The following WDR70 variants were observed in gnomAD, a reference collection of about 807,000 sequenced individuals.
The protein encoded by WDR70 is WD repeat-containing protein 70.
In WDR70, 53 loss-of-function variants were observed where a neutral mutation model predicts 88.6. That is an observed-to-expected ratio of 0.60 (90% CI 0.48 to 0.75). The LOEUF is 0.75. Among genes scored for constraint, WDR70 ranks in the 30% least tolerant of loss-of-function variants. The probability of loss-of-function intolerance (pLI) is 0.00; values close to 1 mark genes in which losing one functional copy is unlikely to be tolerated. For synonymous variants in WDR70, 280 were observed against 270.0 expected (o/e 1.04, Z -0.36); for missense variants, 610 against 823.2 (o/e 0.74, Z 3.17).
intron 5 of WDR70, among the ~76,000 whole-genome samples, chr5:37,416,059 C>T (rs1274070129): frequency 6.7e-6 from 1 of 148,876 alleles, no homozygotes; most frequent in African/African-American, 2.5e-5. Context: ...TCCTCACATC[C>T]CAGACGATGG....
At chr5:37,516,456 C>A in intron 8 of WDR70, 58 bp from the exon 9 acceptor site, 4 of 1,004,882 alleles carry the variant, frequency 4.0e-6, no homozygotes, top group South Asian at 3.3e-5. Context: ...AGTTTCTAGT[C>A]AGTTTATTTT....
rs552263365 is a variant in WDR70 at position 37,551,493 on chromosome 5, G to T, written c.917+34903G>T. 4.6e-5 allele frequency among the ~76,000 whole-genome samples: 7 copies of T among 151,818 alleles called. No individual in the cohort carries two copies. The South Asian group carries it at 1.3e-3, about 27-fold the overall frequency. ...ACCTCTAATCCTGGCACTTTGGGAGGCCGAGGCAGGTGGATCACGAGGTCA... is the reference window on the plus strand; with the variant it reads ...ACCTCTAATCCTGGCACTTTGGGAGTCCGAGGCAGGTGGATCACGAGGTCA... On this transcript the variant is annotated intron_variant, in intron 9 of 17. Transcript: ENST00000265107.
At chr5:37,704,643 G>A (rs966944530) in intron 13 of WDR70, among the ~76,000 whole-genome samples, 1 of 152,194 alleles carries the variant, frequency 6.6e-6, no homozygotes, top group African/African-American at 2.4e-5. Flanking sequence ...ACACAGGGCG[G>A]AAACTTTTTG....
intron 10 of WDR70, among the ~76,000 whole-genome samples, chr5:37,639,980 G>A (rs1187131739): frequency 6.6e-6 from 1 of 152,058 alleles, no homozygotes; most frequent in Non-Finnish European, 1.5e-5. Flanking sequence ...AGAAAACTAA[G>A]GCTTAAAGAG....
chr5:37,531,629 T>C (rs6861330), intron 9 of WDR70, among the ~76,000 whole-genome samples: 89 of 148,234 alleles, frequency 6.0e-4, no homozygotes, highest in African/African-American at 2.1e-3. Flanking sequence ...GACTAGCTAC[T>C]CTTGCTTGCT....
chr5:37,421,966 C>G (rs1001412853), intron 5 of WDR70, among the ~76,000 whole-genome samples: 1 of 151,746 alleles, frequency 6.6e-6, no homozygotes. Flanking sequence ...GGAGGAGTTT[C>G]ATTACAGGGT....
chr5:37,445,168 TC>T (rs2112060912), intron 7 of WDR70, among the ~76,000 whole-genome samples: 1 of 152,360 alleles, frequency 6.6e-6, no homozygotes, highest in Non-Finnish European at 1.5e-5. Context: ...GCATGTATTG[TC>T]TAGCTGTTTC....
chr5:37,611,187 G>A (rs764968741), intron 10 of WDR70, among the ~76,000 whole-genome samples: 7 of 151,800 alleles, frequency 4.6e-5, no homozygotes, highest in Non-Finnish European at 8.8e-5. Flanking sequence ...TTAAATTTTC[G>A]TAATGCAGCT....
At chr5:37,540,615 C>T (rs1293111590) in intron 9 of WDR70, among the ~76,000 whole-genome samples, 1 of 152,176 alleles carries the variant, frequency 6.6e-6, no homozygotes, top group Non-Finnish European at 1.5e-5. Context: ...CTCTTGACCT[C>T]GTGATCCACC....
chr5:37,591,592 A>G lies in WDR70; in HGVS notation c.918-13472A>G, dbSNP rs1009386000. 5.9e-5 allele frequency among the ~76,000 whole-genome samples: 9 copies of G among 152,210 alleles called. 1 individual carries two copies. Among genetic ancestry groups the G allele is most frequent in the African/African-American group, 2.2e-4 (9 of 41,456 alleles). ...CACTATGAAAACTCTAGATGGCTTC[A>G]CTGTTGAATTCTACTTTAAGAAAGA... is the stretch of plus-strand genomic sequence containing the variant. On this transcript the variant is annotated intron_variant, in intron 9 of 17. Transcript: ENST00000265107.
chr5:37,598,982 C>T (rs1469468613), intron 9 of WDR70, among the ~76,000 whole-genome samples: 1 of 152,266 alleles, frequency 6.6e-6, no homozygotes, highest in East Asian at 1.9e-4. Flanking sequence ...AACTTTCTGG[C>T]ATCTGCCGCA....
At chr5:37,593,149 G>GTC (rs901566911) in intron 9 of WDR70, among the ~76,000 whole-genome samples, 3 of 152,026 alleles carry the variant, frequency 2.0e-5, no homozygotes, top group Non-Finnish European at 4.4e-5. Context: ...GCAAGACTCT[G>GTC]TCTCTCTCTC....
At chr5:37,445,653 G>T (rs567647269) in intron 7 of WDR70, among the ~76,000 whole-genome samples, 2 of 152,276 alleles carry the variant, frequency 1.3e-5, no homozygotes, top group African/African-American at 2.4e-5. Context: ...ATCAATAAAT[G>T]TAGTCCAGCA....
intron 9 of WDR70, among the ~76,000 whole-genome samples, chr5:37,565,317 A>G (rs867362694): frequency 6.6e-6 from 1 of 152,156 alleles, no homozygotes; most frequent in African/African-American, 2.4e-5. Flanking sequence ...TAAAGTCTAA[A>G]TAAACGTTAC....
chr5:37,656,404 A>T (rs1745555056), intron 10 of WDR70, among the ~76,000 whole-genome samples: 2 of 152,218 alleles, frequency 1.3e-5, no homozygotes, highest in South Asian at 4.1e-4. Context: ...GGTGTCTCCC[A>T]GTCAGGAGAC....
At chr5:37,577,990 C>T (rs1743107607) in intron 9 of WDR70, among the ~76,000 whole-genome samples, 1 of 152,018 alleles carries the variant, frequency 6.6e-6, no homozygotes. Context: ...TTTTTAAAGA[C>T]AAAAGTCAGA....
intron 13 of WDR70, among the ~76,000 whole-genome samples, chr5:37,712,545 C>T (rs1223474665): frequency 6.6e-6 from 1 of 152,000 alleles, no homozygotes; most frequent in Non-Finnish European, 1.5e-5. Flanking sequence ...ATACTCTGTG[C>T]TTTGAAGCAA....
intron 8 of WDR70, among the ~76,000 whole-genome samples, chr5:37,492,960 A>C (rs958762654): frequency 1.3e-5 from 2 of 152,334 alleles, no homozygotes; most frequent in African/African-American, 4.8e-5. Flanking sequence ...CTCTTCCAAG[A>C]AATTAAGGGC....
At chr5:37,388,671 T>G (rs1213822501) in intron 3 of WDR70, among the ~76,000 whole-genome samples, 16 of 148,268 alleles carry the variant, frequency 1.1e-4, no homozygotes, top group African/African-American at 4.0e-4. Flanking sequence ...ACCTAGGAGG[T>G]GAAGGTTGCA....
Sources: allele counts gnomAD v4.1 joint callset (sites outside exome capture counted in the v4.1 genomes callset), GRCh38; gene constraint gnomAD v4.1.1; transcripts MANE v1.5; gene names NCBI Gene and HGNC (gene_info 2026-07-23, HGNC 2026-07-21).